Variants in SCAMP1 observed in about 807,000 individuals in gnomAD.
SCAMP1 encodes secretory carrier membrane protein 1, also known as secretory carrier-associated membrane protein 1.
In SCAMP1, 15 loss-of-function variants were observed where a neutral mutation model predicts 41.8. The ratio of observed to expected loss-of-function variants is 0.36; its 90% CI spans 0.24 to 0.55. The LOEUF (loss-of-function observed/expected upper bound fraction) is 0.55. Among genes scored for constraint, SCAMP1 ranks in the 20% least tolerant of loss-of-function variants. SCAMP1 has a pLI of 0.86. For missense variants in SCAMP1, 341 were observed against 412.6 expected (o/e 0.83, Z 1.50); for synonymous variants, 135 against 136.8 (o/e 0.99, Z 0.09).
intron 6 of SCAMP1, among the ~76,000 whole-genome samples, chr5:78,437,048 T>C (rs1429994475): frequency 6.6e-6 from 1 of 152,220 alleles, no homozygotes. Flanking sequence ...TAGGAATGCT[T>C]GTGATTTTTG....
rs1751283361 is a variant in SCAMP1, at chr5:78,384,177, T to TTG, written c.58-4659_58-4658insGT. ...TGGTTAGGTATATTCCCAAGTTTTT[T>TTG]TTCTTTTTTTTTTTTTGCAGCTATT... On this transcript the variant is annotated intron_variant, in intron 1 of 8. Transcript: ENST00000621999. Among the ~76,000 whole-genome samples the TTG allele has an allele frequency of 3.3e-5, 3 of 90,234 alleles. 1 individual carries two copies. The highest frequency in any genetic ancestry group is 8.4e-5 in the Non-Finnish European group (3 of 35,670). 59.2% of individuals were successfully genotyped at this position (90,234 alleles called of 152,430 possible).
At position 78,479,487 on chromosome 5, in the gene SCAMP1, C is replaced by A. The variant is rs1044962603; in HGVS notation, c.*3819C>A. On this transcript the variant is annotated 3_prime_UTR_variant, in exon 9 of 9. Coordinates refer to ENST00000621999, the MANE Select transcript of SCAMP1 (RefSeq NM_004866.6). ...AAGTATTTTGGCTAGAATTTTAGGG[C>A]ATATTTTATAAAGCAGCATGCCTGT... Among the ~76,000 whole-genome samples the A allele has an allele frequency of 2.0e-5, 3 of 152,072 alleles. No homozygotes were observed. The highest frequency in any genetic ancestry group is 6.5e-5 in the Admixed American group (1 of 15,270).
At position 78,388,730 on chromosome 5, in the gene SCAMP1, C is replaced by T; in HGVS notation, c.58-107C>T. ...GCCTTCTTTTATTTTCCTCTGTTAGCCTTGCTGCATGACCACAAGTATAGA... is the reference window on the plus strand; with the variant it reads ...GCCTTCTTTTATTTTCCTCTGTTAGTCTTGCTGCATGACCACAAGTATAGA... On this transcript the variant is annotated intron_variant, in intron 1 of 8. Transcript: ENST00000621999. 5.6e-6 allele frequency: 3 copies of T among 531,794 alleles called. No individual in the cohort carries two copies. In the Admixed American group the frequency reaches 1.1e-4, roughly 20 times the overall value. The allele number at this position is 531,794 out of a possible 1,614,324, so 32.9% of individuals were successfully genotyped here.
rs1426946053 is a variant in SCAMP1, at chr5:78,390,020, TAGTC to T, written c.135+1110_135+1113del. On this transcript the variant is annotated intron_variant, in intron 2 of 8. Coordinates refer to ENST00000621999, the MANE Select transcript of SCAMP1 (RefSeq NM_004866.6). Reference sequence around the variant, plus strand: ...TGGAAACCCCCAGTTTATAGAAAGTTAGTCAGTATGGGCGGCAATCTGTGACTTG... The same window carrying T: ...TGGAAACCCCCAGTTTATAGAAAGTTAGTATGGGCGGCAATCTGTGACTTG... Among the ~76,000 whole-genome samples the T allele has an allele frequency of 3.3e-5, 5 of 152,214 alleles. No individual in the cohort carries two copies. The East Asian group carries it at 9.6e-4, about 29-fold the overall frequency.
intron 1 of SCAMP1, among the ~76,000 whole-genome samples, chr5:78,386,640 T>C (rs1191589657): frequency 1.3e-5 from 2 of 152,198 alleles, no homozygotes; most frequent in East Asian, 3.8e-4. Context: ...TTCATAGTTT[T>C]TGTAGTGCTG....
chr5:78,363,175 A>G (rs1750703662), intron 1 of SCAMP1, among the ~76,000 whole-genome samples: 1 of 150,460 alleles, frequency 6.6e-6, no homozygotes, highest in Admixed American at 6.6e-5. Flanking sequence ...TACGGGCGGG[A>G]GCCACTGCGT....
chr5:78,447,223 C>T (rs1289386864), intron 6 of SCAMP1, among the ~76,000 whole-genome samples: 1 of 152,192 alleles, frequency 6.6e-6, no homozygotes, highest in Admixed American at 6.5e-5. Flanking sequence ...AGGTTGGGGA[C>T]CACTGCTTTA....
At chr5:78,461,256 A>T (rs369063151) in intron 8 of SCAMP1, among the ~76,000 whole-genome samples, 1 of 152,192 alleles carries the variant, frequency 6.6e-6, no homozygotes, top group Admixed American at 6.5e-5. Context: ...TGTCTAGGCC[A>T]ATGTCTAGAA....
At chr5:78,440,094 T>G (rs1271473938) in intron 6 of SCAMP1, among the ~76,000 whole-genome samples, 2 of 152,174 alleles carry the variant, frequency 1.3e-5, no homozygotes, top group East Asian at 3.9e-4. Flanking sequence ...TTTATTCTAG[T>G]TAGCCATTCG....
At position 78,447,789 on chromosome 5, in the gene SCAMP1, CTTT is replaced by C. The variant is rs1561280440; in HGVS notation, c.633-2143_633-2141del. On this transcript the variant is annotated intron_variant, in intron 6 of 8. Coordinates refer to ENST00000621999, the MANE Select transcript of SCAMP1 (RefSeq NM_004866.6). ...AGGCAAAACTCCTTTTCAAAAGAAA[CTTT>C]CTTCTTCTTCTTCCTCCTCCCTCCT... Among the ~76,000 whole-genome samples the C allele has an allele frequency of 3.7e-4, 54 of 147,676 alleles. 2 individuals carry two copies. The highest frequency in any genetic ancestry group is 4.4e-4 in the South Asian group (2 of 4,586).
At chr5:78,459,100 G>GGGTTGT in intron 7 of SCAMP1, 145 bp from the exon 8 acceptor site, 2 of 610,410 alleles carry the variant, frequency 3.3e-6, no homozygotes, top group Non-Finnish European at 5.9e-6. Context: ...CCTATTGGGT[G>GGGTTGT]GGTTGTGAGA....
chr5:78,378,134 A>C (rs1022276904), intron 1 of SCAMP1, among the ~76,000 whole-genome samples: 2 of 152,230 alleles, frequency 1.3e-5, no homozygotes, highest in Admixed American at 6.5e-5. Flanking sequence ...TTTCTGCTAC[A>C]GAACAAGTAC....
At chr5:78,461,541 T>C (rs1381494197) in intron 8 of SCAMP1, among the ~76,000 whole-genome samples, 2 of 152,152 alleles carry the variant, frequency 1.3e-5, no homozygotes, top group Non-Finnish European at 2.9e-5. Flanking sequence ...TTGTACTGGT[T>C]ACCATGCTGC....
intron 8 of SCAMP1, among the ~76,000 whole-genome samples, chr5:78,467,774 G>A (rs756019591): frequency 6.6e-6 from 1 of 152,118 alleles, no homozygotes; most frequent in Non-Finnish European, 1.5e-5. Flanking sequence ...ATTTGCACCA[G>A]CTTTCATATT....
At position 78,475,674 on chromosome 5, in the gene SCAMP1, T is replaced by C; in HGVS notation, c.*6T>C. ...TCAAGGGTAACCAGATTTAAGAATCTTCAAACAATACACTGTTACCTTTTG... is the reference window on the plus strand; with the variant it reads ...TCAAGGGTAACCAGATTTAAGAATCCTCAAACAATACACTGTTACCTTTTG... On this transcript the variant is annotated 3_prime_UTR_variant, in exon 9 of 9. Coordinates refer to ENST00000621999, the MANE Select transcript of SCAMP1 (RefSeq NM_004866.6). 6.6e-7 allele frequency: 1 copy of C among 1,523,180 alleles called. No individual in the cohort carries two copies. The highest frequency in any genetic ancestry group is 8.8e-7 in the Non-Finnish European group (1 of 1,136,470). 94.4% of individuals were successfully genotyped at this position (1,523,180 alleles called of 1,614,324 possible).
chr5:78,375,914 A>C (rs185212260), intron 1 of SCAMP1, among the ~76,000 whole-genome samples: 6 of 152,236 alleles, frequency 3.9e-5, no homozygotes, highest in African/African-American at 1.4e-4. Context: ...TCTAGTAGCC[A>C]TATTAGAAAA....
At chr5:78,464,796 A>G (rs1753703790) in intron 8 of SCAMP1, among the ~76,000 whole-genome samples, 1 of 152,232 alleles carries the variant, frequency 6.6e-6, no homozygotes, top group African/African-American at 2.4e-5. Context: ...GGCCCTATGC[A>G]GAACACTTCA....
At chr5:78,408,689 C>T (rs57935474) in intron 2 of SCAMP1, among the ~76,000 whole-genome samples, 43,531 of 151,966 alleles carry the variant, frequency 0.29, 6,533 homozygotes, top group East Asian at 0.54. Context: ...CAACCTGCCT[C>T]CTGGGCTCAA....
chr5:78,459,157 A>T (rs747350863), intron 7 of SCAMP1, 88 bp from the exon 8 acceptor site: 2 of 702,558 alleles, frequency 2.8e-6, no homozygotes, highest in Non-Finnish European at 5.2e-6. Flanking sequence ...TGCCTGGCTG[A>T]TAAGTGTTGA....
Sources: allele counts gnomAD v4.1 joint callset (sites outside exome capture counted in the v4.1 genomes callset), GRCh38; gene constraint gnomAD v4.1.1; transcripts MANE v1.5; gene names NCBI Gene and HGNC (gene_info 2026-07-23, HGNC 2026-07-21).